The following POP5 variants were observed in gnomAD, a reference collection of about 807,000 sequenced individuals.
POP5 encodes the protein POP5 ribonuclease P/MRP subunit.
POP5 carries 18 observed loss-of-function variants against 20.7 expected under a neutral mutation model. That is an observed-to-expected ratio of 0.87 (90% CI 0.60 to 1.29). The LOEUF (loss-of-function observed/expected upper bound fraction) is 1.29. Ranked by LOEUF, POP5 falls within the 50% of genes most tolerant of loss-of-function variation. The pLI, the probability that POP5 is intolerant of heterozygous loss-of-function variation, is 0.00. For synonymous variants in POP5, 91 were observed against 78.0 expected (o/e 1.17, Z -0.88); for missense variants, 200 against 203.2 (o/e 0.98, Z 0.10).
rs184419297 is a variant in POP5 at position 120,581,186 on chromosome 12, C to A, written c.92G>T (p.Ser31Ile). 1.7e-5 allele frequency: 28 copies of A among 1,614,030 alleles called. No individual in the cohort carries two copies. Among genetic ancestry groups the A allele is most frequent in the Non-Finnish European group, 2.4e-5 (28 of 1,180,056 alleles). Residue 31 changes from serine to isoleucine, a missense_variant, in exon 2 of 5, where the codon AGC becomes ATC. By Grantham distance (142) the Ser-to-Ile change is moderately radical. Transcript: ENST00000357500. The stretch of plus-strand genomic sequence containing the variant: ...CCTGGCGATCGTGTCCCGTACGAGG[C>A]TGCTCAGAACTCGGTCATCGAGGCT... ...RLSLDDRVLS[S>I]LVRDTIARVH...
Position 120,581,145 on chromosome 12 carries a change from C to T in POP5, c.133G>A (p.Gly45Ser). Residue 45 changes from glycine (G) to serine (S), a missense_variant, in exon 2 of 5, where the codon GGC (glycine) becomes AGC (serine). Coordinates refer to ENST00000357500, the MANE Select transcript of POP5 (RefSeq NM_015918.4). ...DTIARVHGTF[G>S]AAACSIGFAV... is the part of the protein sequence containing the mutation. ...AAGCCGATGGAGCAGGCGGCTGCGC[C>T]GAAAGTTCCGTGCACCCTGGCGATC... is the stretch of plus-strand genomic sequence containing the variant. The T allele has an allele frequency of 1.2e-6, 2 of 1,613,138 alleles. No individual in the cohort carries two copies. Among genetic ancestry groups the T allele is most frequent in the Non-Finnish European group, 1.7e-6 (2 of 1,180,022 alleles).
At chr12:120,580,113 G>A (rs1161170609) in intron 2 of POP5, 190 bp from the exon 3 acceptor site, 6 of 525,006 alleles carry the variant, frequency 1.1e-5, no homozygotes, top group Admixed American at 7.0e-5. Flanking sequence ...GTGGTGGTGC[G>A]CACCTGTAAT....
chr12:120,579,476 A>C, intron 4 of POP5, 38 bp downstream of exon 4: 1 of 1,607,806 alleles, frequency 6.2e-7, no homozygotes, highest in East Asian at 2.2e-5. Context: ...GCTTAAGGTC[A>C]GTCACTGCTC....
At position 120,579,577 on chromosome 12, in the gene POP5, T is replaced by G; in HGVS notation, c.334A>C (p.Lys112Gln). ...HVGGTIRTCQKFLIQYNRRQL... is the reference protein window; with the variant it reads ...HVGGTIRTCQQFLIQYNRRQL... ...CTCCTGTTGTACTGAATTAGGAACTTCTGACATGTTCTTATTGTACCTGGC... is the reference window on the plus strand; with the variant it reads ...CTCCTGTTGTACTGAATTAGGAACTGCTGACATGTTCTTATTGTACCTGGC... The change falls in exon 4 of 5, where the codon AAG becomes CAG. Residue 112 changes from lysine (K) to glutamine (Q), a missense_variant. Transcript: ENST00000357500. 6.2e-7 allele frequency: 1 copy of G among 1,613,894 alleles called. No homozygotes were observed. The highest frequency in any genetic ancestry group is 8.5e-7 in the Non-Finnish European group (1 of 1,179,734).
At position 120,579,400 on chromosome 12, in the gene POP5, G is replaced by C; in HGVS notation, c.410C>G (p.Ala137Gly). ...QNCTDEGERE[A>G]IQKSVTRSCL... ...GCTTCTTGTCACAGACTTCTGGATA[G>C]CTTCCCGCTCTCCTGGAGAAGGCAG... Residue 137 changes from alanine (A) to glycine (G), a missense_variant, in exon 5 of 5, where the codon GCT (alanine) becomes GGT (glycine). By Grantham distance (60) the Ala-to-Gly change is moderately conservative (BLOSUM62 0). Coordinates refer to ENST00000357500, the MANE Select transcript of POP5 (RefSeq NM_015918.4). The C allele has an allele frequency of 6.2e-7, 1 of 1,613,902 alleles. No individual in the cohort carries two copies. The highest frequency in any genetic ancestry group is 8.5e-7 in the Non-Finnish European group (1 of 1,179,764).
intron 3 of POP5, 57 bp downstream of exon 3, chr12:120,579,717 C>G (rs1877759462): frequency 1.3e-6 from 2 of 1,559,848 alleles, no homozygotes; most frequent in Non-Finnish European, 1.8e-6. Context: ...CCAGTTTAGA[C>G]TGAACTGTGA....
intron 2 of POP5, 73 bp downstream of exon 2, chr12:120,581,042 C>T (rs1877836333): frequency 2.5e-6 from 4 of 1,570,314 alleles, no homozygotes; most frequent in Non-Finnish European, 2.6e-6. Context: ...CCCCTTCTTT[C>T]TTCCTCCGGC....
chr12:120,581,034 C>T, intron 2 of POP5, 81 bp downstream of exon 2: 14 of 1,563,378 alleles, frequency 9.0e-6, no homozygotes, highest in Non-Finnish European at 1.1e-5. Flanking sequence ...CACTCGTGCC[C>T]CTTCTTTCTT....
Position 120,579,169 on chromosome 12 carries a change from A to T in POP5, c.*149T>A, listed in dbSNP as rs1593130625. The T allele has an allele frequency of 1.4e-6, 1 of 693,906 alleles. No homozygotes were observed. Among genetic ancestry groups the T allele is most frequent in the East Asian group, 2.7e-5 (1 of 37,538 alleles). 43.0% of individuals were successfully genotyped at this position (693,906 alleles called of 1,614,324 possible). A position where few individuals can be genotyped will look rare whatever the true frequency, so the allele number is the denominator to read the frequency against. On this transcript the variant is annotated 3_prime_UTR_variant, in exon 5 of 5. Transcript: ENST00000357500. ...GGTAAAGGCAACTTCAGTTTAACTG[A>T]GTACTCCATTTCAAGTGGGTAATGT...
At chr12:120,580,433 G>A (rs1401829166) in intron 2 of POP5, among the ~76,000 whole-genome samples, 1 of 152,126 alleles carries the variant, frequency 6.6e-6, no homozygotes, top group South Asian at 2.1e-4. Context: ...CAATAAATAG[G>A]AGCAGGTAGG....
At position 120,579,756 on chromosome 12, in the gene POP5, A is replaced by G. The variant is rs920385379; in HGVS notation, c.313+18T>C. On this transcript the variant is annotated intron_variant, in intron 3 of 4. Coordinates refer to ENST00000357500, the MANE Select transcript of POP5 (RefSeq NM_015918.4). ...TGTCACCAATTGAAAATCAGTAGCC[A>G]TACCACCTCACTCCTACCTCCCACA... 13 of 1,596,726 alleles carry G rather than the reference A, an allele frequency of 8.1e-6. No homozygotes were observed. Among genetic ancestry groups the G allele is most frequent in the Non-Finnish European group, 1.1e-5 (13 of 1,164,526 alleles).
chr12:120,579,255 G>A lies in POP5; in HGVS notation c.*63C>T, dbSNP rs1172334170. On this transcript the variant is annotated 3_prime_UTR_variant, in exon 5 of 5. Transcript: ENST00000357500. ...GGAAGATGCTGTTGCTACCCAGATT[G>A]TTCTGTTCAACAAGTGGGCCTGAAG... The A allele has an allele frequency of 1.4e-6, 2 of 1,418,132 alleles. No individual in the cohort carries two copies. Among genetic ancestry groups the A allele is most frequent in the South Asian group, 1.1e-5 (1 of 86,988 alleles). 87.8% of individuals were successfully genotyped at this position (1,418,132 alleles called of 1,614,324 possible). A position where few individuals can be genotyped will look rare whatever the true frequency, so the allele number is the denominator to read the frequency against.
At chr12:120,580,923 C>T (rs1877829615) in intron 2 of POP5, 192 bp downstream of exon 2, 1 of 833,508 alleles carries the variant, frequency 1.2e-6, no homozygotes, top group African/African-American at 1.7e-5. Flanking sequence ...GCCCCACTGC[C>T]TTCGGGCCCC....
In POP5 at chr12:120,581,182, G is replaced by A; in HGVS notation, c.96C>T (p.Leu32=). 1 of 1,613,974 alleles carries A rather than the reference G, an allele frequency of 6.2e-7. No individual in the cohort carries two copies. ...GCACCCTGGCGATCGTGTCCCGTAC[G>A]AGGCTGCTCAGAACTCGGTCATCGA... The part of the protein sequence containing the change: ...LSLDDRVLSS[L]VRDTIARVHG... The change falls in exon 2 of 5, where the codon CTC becomes CTT. Residue 32 remains leucine (L), a synonymous_variant. Coordinates refer to ENST00000357500, the MANE Select transcript of POP5 (RefSeq NM_015918.4).
chr12:120,580,925 T>G, intron 2 of POP5, 190 bp downstream of exon 2: 9 of 848,098 alleles, frequency 1.1e-5, no homozygotes, highest in Non-Finnish European at 1.4e-5. Flanking sequence ...CCCACTGCCT[T>G]CGGGCCCCTC....
chr12:120,580,726 T>A, intron 2 of POP5: 1 of 234,900 alleles, frequency 4.3e-6, no homozygotes, highest in Non-Finnish European at 8.5e-6. Context: ...ACCAACTATT[T>A]AAGGGCTTTC....
chr12:120,580,529 T>C (rs1877808778), intron 2 of POP5: 2 of 154,042 alleles, frequency 1.3e-5, no homozygotes, highest in African/African-American at 4.8e-5. Context: ...GCTCCGTAAT[T>C]ATTGTAGCAG....
Position 120,579,825 on chromosome 12 carries a change from C to T in POP5, c.262G>A (p.Glu88Lys), listed in dbSNP as rs150135150. The T allele has an allele frequency of 2.9e-4, 462 of 1,608,190 alleles. 1 individual carries two copies. The highest frequency in any genetic ancestry group is 3.8e-4 in the Non-Finnish European group (450 of 1,174,738). Residue 88 changes from glutamate to lysine, a missense_variant, in exon 3 of 5, where the codon GAG becomes AAG. Transcript: ENST00000357500. ...CATGGGTAACGGTGTCCTTTGTTCT[C>T]CAAGTATGTGATGAAGGGAAGAGCT... ...WSALPFITYL[E>K]NKGHRYPCFF... is the part of the protein sequence containing the mutation.
chr12:120,581,163 T>C lies in POP5; in HGVS notation c.115A>G (p.Arg39Gly), dbSNP rs770854561. The change falls in exon 2 of 5, where the codon AGG becomes GGG. Residue 39 changes from arginine (R) to glycine (G), a missense_variant. Coordinates refer to ENST00000357500, the MANE Select transcript of POP5 (RefSeq NM_015918.4). ...LSSLVRDTIA[R>G]VHGTFGAAAC... The stretch of plus-strand genomic sequence containing the variant: ...GCTGCGCCGAAAGTTCCGTGCACCC[T>C]GGCGATCGTGTCCCGTACGAGGCTG... 2.6e-5 allele frequency: 42 copies of C among 1,613,584 alleles called. No homozygotes were observed. The highest frequency in any genetic ancestry group is 3.6e-5 in the Non-Finnish European group (42 of 1,180,044).
Sources: gnomAD v4.1 joint callset for allele counts (sites outside exome capture counted in the v4.1 genomes callset) on GRCh38, gnomAD v4.1.1 for gene constraint, MANE v1.5 for transcripts, NCBI Gene and HGNC (gene_info 2026-07-23, HGNC 2026-07-21) for gene names.